IL1RAPL1: variants seen among roughly 807,000 people sequenced by gnomAD.
The protein encoded by IL1RAPL1 is interleukin 1 receptor accessory protein like 1.
IL1RAPL1 carries 3 observed loss-of-function variants against 48.4 expected under a neutral mutation model. The observed-to-expected ratio is 0.06, with a 90% CI of 0.03 to 0.16. IL1RAPL1 has a LOEUF of 0.16. Among genes scored for constraint, IL1RAPL1 ranks in the 10% least tolerant of loss-of-function variants. The probability of loss-of-function intolerance (pLI) is 1.00; values close to 1 mark genes in which losing one functional copy is unlikely to be tolerated. For synonymous variants in IL1RAPL1, 185 were observed against 187.7 expected, an observed-to-expected ratio of 0.99 and a Z score of 0.12; for missense variants, 349 against 530.6, an observed-to-expected ratio of 0.66 and a Z score of 3.36.
chrX:29,689,607 T>C (rs1236760079), intron 6 of IL1RAPL1, among the ~76,000 whole-genome samples: 1 of 111,161 alleles, frequency 9.0e-6, no homozygotes, highest in Non-Finnish European at 1.9e-5. Context: ...TTAATTAAGG[T>C]GTAGGATTTA....
chrX:29,609,338 T>C (rs1168048461), intron 5 of IL1RAPL1, among the ~76,000 whole-genome samples: 2 of 112,539 alleles, frequency 1.8e-5, no homozygotes, highest in African/African-American at 3.2e-5. Flanking sequence ...TAGCCTGGCA[T>C]TGAGTGTTCT....
intron 1 of IL1RAPL1, among the ~76,000 whole-genome samples, chrX:28,723,414 G>C (rs1433572886): frequency 5.4e-5 from 6 of 111,445 alleles, no homozygotes; most frequent in Non-Finnish European, 1.1e-4. Context: ...GTGGTAGTTT[G>C]TATTTCTGTG....
chrX:29,800,484 C>T (rs371381542), intron 6 of IL1RAPL1, among the ~76,000 whole-genome samples: 221 of 87,599 alleles, frequency 2.5e-3, no homozygotes, highest in African/African-American at 8.7e-3. Context: ...ATAGGAGACT[C>T]ATATCCCAAA....
At chrX:29,445,002 G>T (rs1934596329) in intron 5 of IL1RAPL1, among the ~76,000 whole-genome samples, 1 of 112,356 alleles carries the variant, frequency 8.9e-6, no homozygotes, top group East Asian at 2.8e-4. Context: ...ATTTATTCTA[G>T]CTTTCCTTTC....
chrX:29,479,130 C>T (rs911650794), intron 5 of IL1RAPL1, among the ~76,000 whole-genome samples: 1 of 109,485 alleles, frequency 9.1e-6, no homozygotes, highest in African/African-American at 3.3e-5. Context: ...TCAGCATCAG[C>T]TGGGCTCTGT....
chrX:29,028,628 A>T (rs1275682901), intron 2 of IL1RAPL1, among the ~76,000 whole-genome samples: 5 of 110,994 alleles, frequency 4.5e-5, no homozygotes, highest in Non-Finnish European at 9.4e-5. Context: ...TAGATTTTAC[A>T]TATGAGTGAG....
chrX:29,075,648 A>G (rs1289885234), intron 2 of IL1RAPL1, among the ~76,000 whole-genome samples: 2 of 112,228 alleles, frequency 1.8e-5, no homozygotes, highest in Admixed American at 1.9e-4. Context: ...ATATATTCTC[A>G]AGGATAAAAT....
chrX:29,877,162 T>C (rs1931923300), intron 6 of IL1RAPL1, among the ~76,000 whole-genome samples: 1 of 112,162 alleles, frequency 8.9e-6, no homozygotes, highest in Non-Finnish European at 1.9e-5. Flanking sequence ...TACAACTATG[T>C]ATATATTCTC....
chrX:29,634,869 A>G (rs1034134737), intron 5 of IL1RAPL1, among the ~76,000 whole-genome samples: 1 of 112,179 alleles, frequency 8.9e-6, no homozygotes, highest in Non-Finnish European at 1.9e-5. Context: ...GAACTATTAG[A>G]AAATAAAGGC....
intron 2 of IL1RAPL1, among the ~76,000 whole-genome samples, chrX:29,001,386 C>T (rs1269791337): frequency 2.7e-5 from 3 of 111,623 alleles, no homozygotes; most frequent in East Asian, 2.8e-4. Context: ...TGCATAATTA[C>T]ACAAGTAATC....
chrX:28,766,331 T>C (rs1280436988), intron 1 of IL1RAPL1, among the ~76,000 whole-genome samples: 2 of 110,722 alleles, frequency 1.8e-5, no homozygotes, highest in African/African-American at 6.6e-5. Context: ...ATACAATTGC[T>C]AAGACTTCCT....
intron 6 of IL1RAPL1, among the ~76,000 whole-genome samples, chrX:29,797,173 A>C (rs1199018155): frequency 8.9e-6 from 1 of 112,680 alleles, no homozygotes; most frequent in East Asian, 2.8e-4. Flanking sequence ...ATTATAATGT[A>C]AATTCCCTAA....
intron 5 of IL1RAPL1, among the ~76,000 whole-genome samples, chrX:29,427,320 C>T (rs771097078): frequency 8.9e-6 from 1 of 112,303 alleles, no homozygotes; most frequent in Non-Finnish European, 1.9e-5. Flanking sequence ...AGAGGTGTGA[C>T]AAACCCTATT....
intron 2 of IL1RAPL1, among the ~76,000 whole-genome samples, chrX:29,152,307 G>C (rs990349374): frequency 1.8e-5 from 2 of 111,435 alleles, no homozygotes; most frequent in Admixed American, 9.5e-5. Context: ...GATTTGAGTG[G>C]GGACACAGCC....
intron 1 of IL1RAPL1, among the ~76,000 whole-genome samples, chrX:28,677,133 G>A (rs1015997284): frequency 1.8e-5 from 2 of 111,764 alleles, no homozygotes; most frequent in Admixed American, 9.5e-5. Context: ...AGACAGATAT[G>A]TTATTAAAAT....
intron 2 of IL1RAPL1, among the ~76,000 whole-genome samples, chrX:28,818,855 A>G (rs1239902063): frequency 9.1e-6 from 1 of 110,471 alleles, no homozygotes; most frequent in African/African-American, 3.3e-5. Context: ...TCTCCCGTAC[A>G]CTCTAGTTTC....
At chrX:29,717,783 A>G (rs1408846981) in intron 6 of IL1RAPL1, among the ~76,000 whole-genome samples, 1 of 112,174 alleles carries the variant, frequency 8.9e-6, no homozygotes, top group Non-Finnish European at 1.9e-5. Flanking sequence ...CCATTTACAG[A>G]AAAATTTTGC....
chrX:29,336,716 G>T (rs954655571), intron 3 of IL1RAPL1, among the ~76,000 whole-genome samples: 9 of 111,299 alleles, frequency 8.1e-5, no homozygotes, highest in African/African-American at 2.3e-4. Context: ...TAGACAAAAG[G>T]GTATGATCTA....
chrX:28,789,189 C>T, intron 1 of IL1RAPL1, 131 bp from the exon 2 acceptor site: 1 of 445,595 alleles, frequency 2.2e-6, no homozygotes, highest in South Asian at 3.4e-5. Flanking sequence ...TAATAGAAAT[C>T]CTGGTTATAT....
Sources: allele counts gnomAD v4.1 joint callset (sites outside exome capture counted in the v4.1 genomes callset), GRCh38; gene constraint gnomAD v4.1.1; transcripts MANE v1.5; gene names NCBI Gene and HGNC (gene_info 2026-07-23, HGNC 2026-07-21).